The following STON2 variants were observed in gnomAD, a reference collection of about 807,000 sequenced individuals.
STON2 encodes the protein stonin-2.
STON2 carries 29 observed loss-of-function variants against 65.7 expected under a neutral mutation model. That is an observed-to-expected ratio of 0.44 (90% confidence interval 0.33 to 0.60). STON2 has a LOEUF of 0.60. Among genes scored for constraint, STON2 ranks in the 20% least tolerant of loss-of-function variants. STON2 has a pLI of 0.03. For missense variants in STON2, 1,054 were observed against 1,118.1 expected (o/e 0.94, Z 0.82); for synonymous variants, 404 against 414.2 (o/e 0.98, Z 0.30).
At chr14:81,362,745 A>G (rs541625036) in intron 4 of STON2, among the ~76,000 whole-genome samples, 13 of 152,340 alleles carry the variant, frequency 8.5e-5, no homozygotes, top group African/African-American at 3.1e-4. Flanking sequence ...TTTGTACCCC[A>G]TAAATACATA....
intron 5 of STON2, among the ~76,000 whole-genome samples, chr14:81,313,612 T>C (rs149883767): frequency 0.024 from 3,656 of 151,696 alleles, 142 homozygotes; most frequent in African/African-American, 0.084. Context: ...CTGGCCAACA[T>C]AGTGAAGCCC....
intron 5 of STON2, among the ~76,000 whole-genome samples, chr14:81,301,519 A>G (rs555232493): frequency 1.3e-5 from 2 of 152,344 alleles, no homozygotes; most frequent in South Asian, 4.1e-4. Context: ...CCAAAAGAGG[A>G]AATGACCAGT....
chr14:81,384,625 G>A (rs891491373), intron 3 of STON2, among the ~76,000 whole-genome samples: 2 of 152,142 alleles, frequency 1.3e-5, no homozygotes, highest in African/African-American at 4.8e-5. Context: ...CATGGGGCAC[G>A]AGTATTTGGC....
intron 5 of STON2, among the ~76,000 whole-genome samples, chr14:81,289,010 A>T (rs1238728667): frequency 6.7e-6 from 1 of 150,234 alleles, no homozygotes; most frequent in Non-Finnish European, 1.5e-5. Flanking sequence ...CTGCCACAGA[A>T]GTCTCACTCA....
intron 5 of STON2, among the ~76,000 whole-genome samples, chr14:81,291,430 T>G (rs893748614): frequency 1.3e-5 from 2 of 152,176 alleles, no homozygotes; most frequent in Non-Finnish European, 2.9e-5. Context: ...CTGAGAAATG[T>G]CTTTGTAATT....
chr14:81,407,677 C>T (rs1437273263), intron 2 of STON2, among the ~76,000 whole-genome samples: 1 of 152,138 alleles, frequency 6.6e-6, no homozygotes, highest in Non-Finnish European at 1.5e-5. Flanking sequence ...CAAGTAAGGC[C>T]TCAGTTTTCT....
intron 5 of STON2, among the ~76,000 whole-genome samples, chr14:81,287,335 A>G (rs61978888): frequency 1.3e-5 from 2 of 152,238 alleles, no homozygotes; most frequent in African/African-American, 4.8e-5. Flanking sequence ...CATCTGTCTC[A>G]GCATTGTCCA....
intron 3 of STON2, among the ~76,000 whole-genome samples, chr14:81,375,250 A>C (rs1595413610): frequency 6.6e-6 from 1 of 152,154 alleles, no homozygotes; most frequent in African/African-American, 2.4e-5. Context: ...AGTACTTAAA[A>C]ATAAACATAA....
chr14:81,263,835 T>C lies in STON2; in HGVS notation c.*4579A>G. On this transcript the variant is annotated 3_prime_UTR_variant, in exon 8 of 8. Transcript: ENST00000614646. ...ACCAATTTAATATTCCCAAGGCTTT[T>C]AAGAAAAAACTTCAGCTCATTCTGT... is the stretch of plus-strand genomic sequence containing the variant. The C allele has an allele frequency of 1.0e-6, 1 of 985,452 alleles. No individual in the cohort carries two copies. The highest frequency in any genetic ancestry group is 1.2e-6 in the Non-Finnish European group (1 of 829,940). 61.0% of individuals were successfully genotyped at this position (985,452 alleles called of 1,614,324 possible). A position where few individuals can be genotyped will look rare whatever the true frequency, so the allele number is the denominator to read the frequency against.
Position 81,277,718 on chromosome 14 carries a change from G to A in STON2, c.1764C>T (p.Gly588=). The change falls in exon 6 of 8, where the codon GGC becomes GGT. Residue 588 remains glycine (G), a synonymous_variant. Transcript: ENST00000614646. ...TCAGGAAGTCATCGTAATTGGTGGT[G>A]CCCAGCTTAATCACCTGTTCCCTCT... ...TAEREQVIKL[G]TTNYDDFLSF... is the part of the protein sequence containing the mutation. 6.2e-7 allele frequency: 1 copy of A among 1,614,156 alleles called. No homozygotes were observed. Among genetic ancestry groups the A allele is most frequent in the Non-Finnish European group, 8.5e-7 (1 of 1,180,026 alleles).
chr14:81,264,753 A>G lies in STON2; in HGVS notation c.*3661T>C. The G allele has an allele frequency of 1.0e-6, 1 of 985,466 alleles. No individual in the cohort carries two copies. The highest frequency in any genetic ancestry group is 1.2e-6 in the Non-Finnish European group (1 of 829,928). The allele number at this position is 985,466 out of a possible 1,614,324, so 61.0% of individuals were successfully genotyped here. A position where few individuals can be genotyped will look rare whatever the true frequency, so the allele number is the denominator to read the frequency against. On this transcript the variant is annotated 3_prime_UTR_variant, in exon 8 of 8. Coordinates refer to ENST00000614646, the MANE Select transcript of STON2 (RefSeq NM_001394390.1). ...AGGGAAGAGCCAAATAGAAAAAATG[A>G]AACTGTCCAGATAATATTTAATATG...
At chr14:81,336,589 G>A (rs998850672) in intron 4 of STON2, among the ~76,000 whole-genome samples, 48 of 152,022 alleles carry the variant, frequency 3.2e-4, no homozygotes, top group Admixed American at 3.1e-3. Flanking sequence ...GTGGGAAAAT[G>A]TGGAATGATG....
At chr14:81,280,968 G>A (rs565937407) in intron 5 of STON2, among the ~76,000 whole-genome samples, 6 of 148,512 alleles carry the variant, frequency 4.0e-5, no homozygotes, top group East Asian at 2.0e-4. Context: ...CCGAGATGGC[G>A]CTACTGCACT....
At chr14:81,402,851 A>G (rs1900674916), upstream of STON2, among the ~76,000 whole-genome samples, 2 of 152,166 alleles carry the variant, frequency 1.3e-5, no homozygotes, top group African/African-American at 2.4e-5. Context: ...TTATCTTCCT[A>G]AAACCTGAAA....
chr14:81,428,538 C>G (rs1902091928), intron 1 of STON2, among the ~76,000 whole-genome samples: 1 of 152,146 alleles, frequency 6.6e-6, no homozygotes, highest in Non-Finnish European at 1.5e-5. Flanking sequence ...GCCAGGCCAA[C>G]ATGGCGAAAC....
At chr14:81,319,122 C>T (rs1896732866) in intron 5 of STON2, among the ~76,000 whole-genome samples, 1 of 152,124 alleles carries the variant, frequency 6.6e-6, no homozygotes, top group African/African-American at 2.4e-5. Context: ...CAACCAATTG[C>T]CCCCCTCAAA....
chr14:81,344,043 C>T (rs1026220504), intron 4 of STON2, among the ~76,000 whole-genome samples: 1 of 151,974 alleles, frequency 6.6e-6, no homozygotes, highest in Non-Finnish European at 1.5e-5. Context: ...TAGCTCATGG[C>T]TCTTTCATAC....
intron 5 of STON2, among the ~76,000 whole-genome samples, chr14:81,291,185 G>A (rs918602687): frequency 1.3e-4 from 20 of 152,260 alleles, no homozygotes; most frequent in Admixed American, 1.0e-3. Flanking sequence ...AAACCTTTCC[G>A]TAATTATTGC....
intron 2 of STON2, among the ~76,000 whole-genome samples, chr14:81,398,029 A>C (rs962700707): frequency 6.6e-6 from 1 of 152,150 alleles, no homozygotes; most frequent in Non-Finnish European, 1.5e-5. Flanking sequence ...GTATTTGGTA[A>C]ATATTAAGTT....
Sources: allele counts gnomAD v4.1 joint callset (sites outside exome capture counted in the v4.1 genomes callset), GRCh38; gene constraint gnomAD v4.1.1; transcripts MANE v1.5; gene names NCBI Gene and HGNC (gene_info 2026-07-23, HGNC 2026-07-21).